Variants in CSMD2 observed in about 807,000 individuals in gnomAD.
CSMD2 encodes CUB and Sushi multiple domains 2, also known as CUB and sushi domain-containing protein 2.
CSMD2 carries 130 observed loss-of-function variants against 398.5 expected under a neutral mutation model. The observed-to-expected ratio is 0.33, with a 90% CI of 0.28 to 0.38. The LOEUF (loss-of-function observed/expected upper bound fraction) is 0.38. Among genes scored for constraint, CSMD2 ranks in the 10% least tolerant of loss-of-function variants. The probability of loss-of-function intolerance (pLI) is 1.00; values close to 1 mark genes in which losing one functional copy is unlikely to be tolerated. For synonymous variants in CSMD2, 1,828 were observed against 1,908.5 expected, an observed-to-expected ratio of 0.96 and a Z score of 1.10; for missense variants, 3,829 against 4,764.9, an observed-to-expected ratio of 0.80 and a Z score of 5.78.
At chr1:33,884,190 C>G (rs1206485363) in intron 5 of CSMD2, among the ~76,000 whole-genome samples, 1 of 151,944 alleles carries the variant, frequency 6.6e-6, no homozygotes. Flanking sequence ...TCCTCTCATC[C>G]TCCCTTTTTC....
In CSMD2 at chr1:33,655,359, C is replaced by T. The variant is rs147257255; in HGVS notation, c.4447+2587G>A. On this transcript the variant is annotated intron_variant, in intron 27 of 70. Coordinates refer to ENST00000373381, the MANE Select transcript of CSMD2 (RefSeq NM_001281956.2). The stretch of plus-strand genomic sequence containing the variant: ...AATGATGATAATGGCTTCTAACATA[C>T]ACAGTGCTAACTATGAGCCAGGCAC... Among the ~76,000 whole-genome samples the T allele has an allele frequency of 5.5e-3, 831 of 152,336 alleles. 10 individuals are homozygous for T. The highest frequency in any genetic ancestry group is 0.019 in the African/African-American group (788 of 41,568).
At chr1:34,092,927 G>C (rs1658806915) in intron 1 of CSMD2, among the ~76,000 whole-genome samples, 1 of 152,042 alleles carries the variant, frequency 6.6e-6, no homozygotes, top group South Asian at 2.1e-4. Context: ...AGGCCTGCCT[G>C]CCTCTGTAGG....
At chr1:33,653,954 C>T (rs1201000352) in intron 27 of CSMD2, among the ~76,000 whole-genome samples, 1 of 152,158 alleles carries the variant, frequency 6.6e-6, no homozygotes, top group Admixed American at 6.5e-5. Context: ...TAGAGCTGAG[C>T]ACTGGTACTT....
At chr1:33,689,750 A>G (rs1645173600) in intron 25 of CSMD2, among the ~76,000 whole-genome samples, 1 of 152,208 alleles carries the variant, frequency 6.6e-6, no homozygotes, top group Non-Finnish European at 1.5e-5. Context: ...GTGCCAAAGC[A>G]TCTAGAAATG....
chr1:33,568,635 C>A (rs1167584593), intron 52 of CSMD2, among the ~76,000 whole-genome samples: 2 of 152,086 alleles, frequency 1.3e-5, no homozygotes, highest in African/African-American at 2.4e-5. Flanking sequence ...TTGAGTAGCA[C>A]CTAGGTGAAT....
chr1:33,579,759 A>T (rs1570805018), intron 48 of CSMD2, among the ~76,000 whole-genome samples: 1 of 151,244 alleles, frequency 6.6e-6, no homozygotes, highest in Non-Finnish European at 1.5e-5. Flanking sequence ...GCTCACTGCA[A>T]CCTCCACCTC....
intron 7 of CSMD2, among the ~76,000 whole-genome samples, chr1:33,823,565 A>G (rs570753622): frequency 1.9e-3 from 291 of 152,254 alleles, no homozygotes; most frequent in Non-Finnish European, 3.6e-3. Flanking sequence ...GGAAGGCACC[A>G]CCTTCTACCC....
intron 5 of CSMD2, among the ~76,000 whole-genome samples, chr1:33,901,849 T>C (rs779569674): frequency 6.6e-6 from 1 of 152,210 alleles, no homozygotes; most frequent in Non-Finnish European, 1.5e-5. Flanking sequence ...TAACCAAACC[T>C]ATACGTCAAA....
intron 3 of CSMD2, among the ~76,000 whole-genome samples, chr1:33,985,556 C>T (rs1168017199): frequency 6.6e-6 from 1 of 152,180 alleles, no homozygotes; most frequent in Non-Finnish European, 1.5e-5. Context: ...GGAGTCGAAA[C>T]GTACCCGAGT....
rs10914820 is a variant in CSMD2, at chr1:33,939,636, G to T, written c.518-3682C>A. Among the ~76,000 whole-genome samples the T allele has an allele frequency of 5.3e-3, 812 of 152,218 alleles. 7 individuals are homozygous for T. The highest frequency in any genetic ancestry group is 0.019 in the African/African-American group (775 of 41,518). ...TGGAACATCACTATAAATAAAAGTCGATTCTTCTTAAAAAGTCACTCTCAA... is the reference window on the plus strand; with the variant it reads ...TGGAACATCACTATAAATAAAAGTCTATTCTTCTTAAAAAGTCACTCTCAA... On this transcript the variant is annotated intron_variant, in intron 3 of 70. Transcript: ENST00000373381.
intron 29 of CSMD2, among the ~76,000 whole-genome samples, chr1:33,639,487 T>C (rs1468493365): frequency 1.3e-5 from 2 of 152,204 alleles, no homozygotes; most frequent in Non-Finnish European, 2.9e-5. Context: ...GGTTATAACA[T>C]GTATCACGCT....
chr1:33,915,673 C>T (rs1643685295), intron 5 of CSMD2, among the ~76,000 whole-genome samples: 1 of 152,128 alleles, frequency 6.6e-6, no homozygotes, highest in South Asian at 2.1e-4. Context: ...GTCGAAAAGG[C>T]CTTGGGACTG....
chr1:33,923,443 C>T (rs1233889412), intron 4 of CSMD2, among the ~76,000 whole-genome samples: 1 of 152,200 alleles, frequency 6.6e-6, no homozygotes, highest in African/African-American at 2.4e-5. Context: ...AGAAGCTGAG[C>T]AGATGCCAAT....
At chr1:33,639,158 TGGATCGGAGATAACGTTGAAATG>T (rs1642970301) in intron 29 of CSMD2, among the ~76,000 whole-genome samples, 1 of 152,246 alleles carries the variant, frequency 6.6e-6, no homozygotes, top group Non-Finnish European at 1.5e-5. Context: ...GTTGCCATCT[TGGATCGGAGATAACGTTGAAATG>T]GGATCCATGG....
At chr1:33,924,719 T>A (rs1378772082) in intron 4 of CSMD2, among the ~76,000 whole-genome samples, 1 of 152,242 alleles carries the variant, frequency 6.6e-6, no homozygotes, top group Non-Finnish European at 1.5e-5. Context: ...TTTGCTTTTT[T>A]AATAATAGCC....
intron 1 of CSMD2, among the ~76,000 whole-genome samples, chr1:34,154,719 G>A (rs1350830693): frequency 1.5e-5 from 2 of 131,440 alleles, no homozygotes; most frequent in African/African-American, 2.9e-5. Context: ...ATTTTATAAG[G>A]ATCCAGGCTT....
intron 62 of CSMD2, among the ~76,000 whole-genome samples, chr1:33,535,102 T>C (rs774308488): frequency 6.6e-6 from 1 of 152,246 alleles, no homozygotes; most frequent in Non-Finnish European, 1.5e-5. Context: ...AGGCCCTGCA[T>C]GACCTGTCCC....
intron 28 of CSMD2, 61 bp downstream of exon 28, chr1:33,652,262 G>A (rs1207154054): frequency 7.6e-6 from 12 of 1,576,434 alleles, no homozygotes; most frequent in Non-Finnish European, 9.6e-6. Flanking sequence ...TGGAGACCCA[G>A]GTCCCAGAGC....
chr1:33,544,070 C>G (rs1656616562), intron 57 of CSMD2, among the ~76,000 whole-genome samples: 1 of 151,232 alleles, frequency 6.6e-6, no homozygotes, highest in Admixed American at 6.6e-5. Flanking sequence ...TGGTGGAATC[C>G]TCGCTGGAGT....
Sources: gnomAD v4.1 joint callset for allele counts (sites outside exome capture counted in the v4.1 genomes callset) on GRCh38, gnomAD v4.1.1 for gene constraint, MANE v1.5 for transcripts, NCBI Gene and HGNC (gene_info 2026-07-23, HGNC 2026-07-21) for gene names.